BICC1: variants seen among roughly 807,000 people sequenced by gnomAD.
The protein encoded by BICC1 is protein bicaudal C homolog 1.
A neutral mutation model predicts 111.0 loss-of-function variants in BICC1; 43 were observed. The ratio of observed to expected loss-of-function variants is 0.39; its 90% CI spans 0.30 to 0.50. The LOEUF (loss-of-function observed/expected upper bound fraction) is 0.50, where lower values mean the gene tolerates loss of function less well. Among genes scored for constraint, BICC1 ranks in the 20% least tolerant of loss-of-function variants. BICC1 has a pLI of 0.88. For missense variants in BICC1, 1,091 were observed against 1,203.2 expected (o/e 0.91, Z 1.38); for synonymous variants, 467 against 434.4 (o/e 1.07, Z -0.93).
intron 1 of BICC1, among the ~76,000 whole-genome samples, chr10:58,564,607 C>T (rs1225669917): frequency 6.6e-6 from 1 of 152,146 alleles, no homozygotes; most frequent in African/African-American, 2.4e-5. Context: ...TGTTCAATTG[C>T]CCCTTGTTCA....
chr10:58,811,306 G>A (rs191644529), intron 17 of BICC1, among the ~76,000 whole-genome samples: 21 of 152,098 alleles, frequency 1.4e-4, no homozygotes, highest in East Asian at 3.9e-4. Context: ...ACATATTCTC[G>A]GAGCAAATAA....
At chr10:58,724,527 C>T (rs555597191) in intron 3 of BICC1, among the ~76,000 whole-genome samples, 1 of 152,272 alleles carries the variant, frequency 6.6e-6, no homozygotes, top group Admixed American at 6.5e-5. Flanking sequence ...TCTTTCAGCT[C>T]CAGAACATTA....
chr10:58,748,450 A>T lies in BICC1; in HGVS notation c.308-36551A>T, dbSNP rs190299960. On this transcript the variant is annotated intron_variant, in intron 3 of 20. Coordinates refer to ENST00000373886, the MANE Select transcript of BICC1 (RefSeq NM_001080512.3). ...AATATCTTTTTCTCCAGTAAGATTC[A>T]TATGAAAAAGTGGTGGGGGGTGGGG... Among the ~76,000 whole-genome samples the T allele has an allele frequency of 4.6e-5, 7 of 152,078 alleles. No individual in the cohort carries two copies. In the East Asian group the frequency reaches 1.2e-3, roughly 25 times the overall value.
At chr10:58,749,550 T>C (rs1168708342) in intron 3 of BICC1, among the ~76,000 whole-genome samples, 2 of 152,174 alleles carry the variant, frequency 1.3e-5, no homozygotes, top group Non-Finnish European at 2.9e-5. Context: ...CTTAATTTCG[T>C]ATAATTCAGA....
chr10:58,606,646 A>C (rs2132090698), intron 1 of BICC1, among the ~76,000 whole-genome samples: 1 of 152,240 alleles, frequency 6.6e-6, no homozygotes, highest in South Asian at 2.1e-4. Context: ...CTTGAATGAG[A>C]ATTCTGACAC....
chr10:58,598,656 TG>T (rs1844916538), intron 1 of BICC1, among the ~76,000 whole-genome samples: 2 of 152,044 alleles, frequency 1.3e-5, no homozygotes, highest in African/African-American at 4.8e-5. Flanking sequence ...AATTTACAAA[TG>T]GGATCTAATT....
intron 2 of BICC1, among the ~76,000 whole-genome samples, chr10:58,656,229 T>C (rs1027318899): frequency 8.0e-5 from 12 of 149,910 alleles, no homozygotes; most frequent in Non-Finnish European, 1.6e-4. Context: ...CCAAAAAGAG[T>C]CCAGGACCAG....
upstream of BICC1, among the ~76,000 whole-genome samples, chr10:58,512,569 A>AGTGTGTGTGATGT (rs1842114266): frequency 2.0e-5 from 3 of 151,966 alleles, no homozygotes; most frequent in South Asian, 4.2e-4. Context: ...GAAAAGTAGT[A>AGTGTGTGTGATGT]GTGTGTGTGA....
At chr10:58,528,861 A>G (rs973490681) in intron 1 of BICC1, among the ~76,000 whole-genome samples, 1 of 151,932 alleles carries the variant, frequency 6.6e-6, no homozygotes, top group Non-Finnish European at 1.5e-5. Flanking sequence ...TTCTCCATAC[A>G]TGAGTAGCTT....
At position 58,785,009 on chromosome 10, in the gene BICC1, A is replaced by G. The variant is rs897310594; in HGVS notation, c.316A>G (p.Ile106Val). The G allele has an allele frequency of 1.9e-6, 3 of 1,580,488 alleles. No homozygotes were observed. The highest frequency in any genetic ancestry group is 2.6e-6 in the Non-Finnish European group (3 of 1,155,530). The part of the protein sequence containing the change: ...IGAKSKKDPH[I>V]KVSGKKEDVK... ...TTATTTCTTTCTTATAGATCCCCAT[A>G]TTAAGGTTTCTGGAAAGAAAGAAGA... The change falls in exon 4 of 21, where the codon ATT (isoleucine) becomes GTT (valine). Residue 106 changes from isoleucine to valine, a missense_variant. By Grantham distance (29) the Ile-to-Val change is conservative (BLOSUM62 3). Transcript: ENST00000373886.
chr10:58,658,559 G>A (rs753039927), intron 2 of BICC1, among the ~76,000 whole-genome samples: 1 of 152,088 alleles, frequency 6.6e-6, no homozygotes, highest in African/African-American at 2.4e-5. Flanking sequence ...TGCCATCTGT[G>A]TTTGTTACTT....
At chr10:58,756,771 A>G (rs879478481) in intron 3 of BICC1, among the ~76,000 whole-genome samples, 2 of 151,966 alleles carry the variant, frequency 1.3e-5, no homozygotes, top group Non-Finnish European at 2.9e-5. Flanking sequence ...GCAAATATTG[A>G]CAATTGAACA....
At chr10:58,712,120 C>T (rs1246402027) in intron 3 of BICC1, among the ~76,000 whole-genome samples, 2 of 152,100 alleles carry the variant, frequency 1.3e-5, no homozygotes, top group African/African-American at 4.8e-5. Flanking sequence ...CATCATGTAC[C>T]ATTAGAGTTG....
chr10:58,723,720 G>A lies in BICC1; in HGVS notation c.307+21577G>A, dbSNP rs529870328. On this transcript the variant is annotated intron_variant, in intron 3 of 20. Transcript: ENST00000373886. ...CTTATTATGTGTTCTCTAGCTTGTT[G>A]CCTGTGGGGTTGAGGACATTCAAGA... Among the ~76,000 whole-genome samples the A allele has an allele frequency of 5.9e-5, 9 of 152,300 alleles. No homozygotes were observed. The South Asian group carries it at 1.5e-3, about 25-fold the overall frequency.
At position 58,829,188 on chromosome 10, in the gene BICC1, ATGAT is replaced by A; in HGVS notation, c.*299_*302del. The A allele has an allele frequency of 1.9e-5, 2 of 105,546 alleles. No individual in the cohort carries two copies. The highest frequency in any genetic ancestry group is 3.5e-5 in the Non-Finnish European group (2 of 56,482). 6.5% of individuals were successfully genotyped at this position (105,546 alleles called of 1,614,324 possible). ...ATTTACCTATATAACATATGCACTGATGATTTTTTTTTTTTTTTTTTTTTTTTTT... is the reference window on the plus strand; with the variant it reads ...ATTTACCTATATAACATATGCACTGATTTTTTTTTTTTTTTTTTTTTTTTT... On this transcript the variant is annotated 3_prime_UTR_variant, in exon 21 of 21. Coordinates refer to ENST00000373886, the MANE Select transcript of BICC1 (RefSeq NM_001080512.3).
intron 3 of BICC1, among the ~76,000 whole-genome samples, chr10:58,784,704 T>C (rs1842963758): frequency 6.6e-6 from 1 of 152,040 alleles, no homozygotes; most frequent in Non-Finnish European, 1.5e-5. Context: ...AAAAATTATA[T>C]GATATTTTTA....
At chr10:58,640,905 A>T (rs964397466) in intron 2 of BICC1, among the ~76,000 whole-genome samples, 5 of 152,208 alleles carry the variant, frequency 3.3e-5, no homozygotes, top group African/African-American at 1.2e-4. Flanking sequence ...AATTTTCATC[A>T]CTTGCTTTGG....
intron 1 of BICC1, among the ~76,000 whole-genome samples, chr10:58,591,639 C>G (rs759622965): frequency 1.3e-5 from 2 of 152,188 alleles, no homozygotes; most frequent in Non-Finnish European, 2.9e-5. Flanking sequence ...GAGATACAGG[C>G]ATTCAGACCA....
At chr10:58,608,210 A>G (rs1588922514) in intron 1 of BICC1, among the ~76,000 whole-genome samples, 1 of 151,348 alleles carries the variant, frequency 6.6e-6, no homozygotes, top group African/African-American at 2.4e-5. Context: ...ACTACTCCCC[A>G]CCTCTCCTGC....
Sources: gnomAD v4.1 joint callset for allele counts (sites outside exome capture counted in the v4.1 genomes callset) on GRCh38, gnomAD v4.1.1 for gene constraint, MANE v1.5 for transcripts, NCBI Gene and HGNC (gene_info 2026-07-23, HGNC 2026-07-21) for gene names.